RAD51B: variants seen among roughly 807,000 people sequenced by gnomAD.
RAD51B encodes the protein RAD51 paralog B, also known as DNA repair protein RAD51 homolog 2.
RAD51B carries 38 observed loss-of-function variants against 42.2 expected under a neutral mutation model. The observed-to-expected ratio is 0.90, with a 90% CI of 0.70 to 1.18. The LOEUF (loss-of-function observed/expected upper bound fraction) is 1.18. Ranked by LOEUF, RAD51B falls within the 50% of genes most tolerant of loss-of-function variation. RAD51B has a pLI of 0.00. For synonymous variants in RAD51B, 154 were observed against 145.2 expected (o/e 1.06, Z -0.43); for missense variants, 373 against 400.7 (o/e 0.93, Z 0.59).
intron 7 of RAD51B, among the ~76,000 whole-genome samples, chr14:68,093,220 G>A (rs61987533): frequency 4.8e-4 from 73 of 152,176 alleles, no homozygotes; most frequent in African/African-American, 1.7e-3. Flanking sequence ...CTCATAAAAT[G>A]AGTTAGGGAG....
chr14:68,588,839 A>G (rs1057134585), intron 10 of RAD51B, among the ~76,000 whole-genome samples: 1 of 152,204 alleles, frequency 6.6e-6, no homozygotes, highest in African/African-American at 2.4e-5. Flanking sequence ...TTCCCAAGCT[A>G]ATGTAATGGA....
chr14:68,259,357 G>C (rs960500868), intron 7 of RAD51B, among the ~76,000 whole-genome samples: 2 of 151,662 alleles, frequency 1.3e-5, no homozygotes, highest in Non-Finnish European at 2.9e-5. Flanking sequence ...TGCTAAATGA[G>C]GAGTTAATGG....
At chr14:68,551,318 A>G (rs752193896) in intron 10 of RAD51B, among the ~76,000 whole-genome samples, 3 of 152,174 alleles carry the variant, frequency 2.0e-5, no homozygotes, top group Non-Finnish European at 2.9e-5. Context: ...ACCTGGCTCC[A>G]GGGCCCCTTC....
chr14:68,291,227 T>G (rs573004222), intron 7 of RAD51B, among the ~76,000 whole-genome samples: 35 of 152,310 alleles, frequency 2.3e-4, no homozygotes, highest in Middle Eastern at 6.8e-3. Flanking sequence ...AGATGGAATT[T>G]CGCTCTTGTT....
At chr14:67,901,578 C>T (rs867818020) in intron 7 of RAD51B, among the ~76,000 whole-genome samples, 4 of 152,160 alleles carry the variant, frequency 2.6e-5, no homozygotes, top group Non-Finnish European at 5.9e-5. Flanking sequence ...GGGAATCACA[C>T]TCTGAAGATT....
intron 7 of RAD51B, among the ~76,000 whole-genome samples, chr14:68,028,147 G>C (rs1176443175): frequency 6.6e-6 from 1 of 152,204 alleles, no homozygotes; most frequent in Non-Finnish European, 1.5e-5. Flanking sequence ...TGGCACTTAA[G>C]AGTAATGATC....
chr14:68,412,334 T>A (rs2084442995), intron 9 of RAD51B, among the ~76,000 whole-genome samples: 1 of 152,224 alleles, frequency 6.6e-6, no homozygotes, highest in Non-Finnish European at 1.5e-5. Context: ...TTATTTTGAT[T>A]TTTTGGATAG....
intron 5 of RAD51B, among the ~76,000 whole-genome samples, chr14:67,885,016 A>G (rs907198600): frequency 6.6e-6 from 1 of 152,314 alleles, no homozygotes; most frequent in Admixed American, 6.5e-5. Flanking sequence ...AAAATATAGG[A>G]TGCTTTTTGA....
intron 7 of RAD51B, among the ~76,000 whole-genome samples, chr14:68,081,534 A>T (rs1480091089): frequency 2.0e-5 from 3 of 152,258 alleles, no homozygotes; most frequent in Non-Finnish European, 4.4e-5. Flanking sequence ...TTCTGTGTTT[A>T]TATGTACTTC....
rs572803909 is a variant in RAD51B, at chr14:67,994,245, A to G, written c.756+107041A>G. Reference sequence around the variant, plus strand: ...CTGTTTTTTTCAAGAAAAAAAAGCCATTTTTTTCTCTTAGATAAATATTTT... The same window carrying G: ...CTGTTTTTTTCAAGAAAAAAAAGCCGTTTTTTTCTCTTAGATAAATATTTT... On this transcript the variant is annotated intron_variant, in intron 7 of 10. Transcript: ENST00000471583. Among the ~76,000 whole-genome samples the G allele has an allele frequency of 9.0e-4, 137 of 151,674 alleles. 1 individual carries two copies. Among genetic ancestry groups the G allele is most frequent in the African/African-American group, 3.3e-3 (135 of 41,342 alleles).
intron 4 of RAD51B, among the ~76,000 whole-genome samples, chr14:67,852,606 G>A (rs1443965758): frequency 2.0e-5 from 3 of 152,184 alleles, no homozygotes; most frequent in Non-Finnish European, 2.9e-5. Flanking sequence ...AGCCTTGGAA[G>A]TTACATACCA....
At chr14:68,234,370 C>G (rs1016454017) in intron 7 of RAD51B, among the ~76,000 whole-genome samples, 10 of 152,260 alleles carry the variant, frequency 6.6e-5, no homozygotes, top group African/African-American at 1.9e-4. Flanking sequence ...AGAAAGAAAG[C>G]TGAGAAGTAT....
At chr14:68,268,477 C>T (rs546188756) in intron 7 of RAD51B, among the ~76,000 whole-genome samples, 1 of 152,204 alleles carries the variant, frequency 6.6e-6, no homozygotes, top group South Asian at 2.1e-4. Context: ...TTGTGGATGA[C>T]CTTTGTCTTA....
intron 7 of RAD51B, among the ~76,000 whole-genome samples, chr14:68,207,638 G>C (rs904282983): frequency 1.3e-5 from 2 of 152,122 alleles, no homozygotes; most frequent in Non-Finnish European, 2.9e-5. Context: ...GATAAATTAA[G>C]AATAGCCTGG....
chr14:67,826,686 CTT>C (rs34773405), intron 3 of RAD51B, among the ~76,000 whole-genome samples: 23 of 142,346 alleles, frequency 1.6e-4, no homozygotes, highest in Admixed American at 1.4e-4. Flanking sequence ...TATTTTCTTT[CTT>C]TTTTTTTTTT....
At chr14:68,168,211 A>G (rs1167619040) in intron 7 of RAD51B, among the ~76,000 whole-genome samples, 1 of 152,148 alleles carries the variant, frequency 6.6e-6, no homozygotes, top group Non-Finnish European at 1.5e-5. Flanking sequence ...TATGAAATTT[A>G]ATAGAAATGG....
chr14:68,087,053 G>A (rs1413215749), intron 7 of RAD51B, among the ~76,000 whole-genome samples: 1 of 151,718 alleles, frequency 6.6e-6, no homozygotes, highest in Non-Finnish European at 1.5e-5. Flanking sequence ...GAGAACCACT[G>A]GAACCCAGGT....
At chr14:67,963,230 T>G (rs1018171715) in intron 7 of RAD51B, among the ~76,000 whole-genome samples, 5 of 152,104 alleles carry the variant, frequency 3.3e-5, no homozygotes, top group African/African-American at 1.2e-4. Context: ...GTGTATAGAA[T>G]TGATATTTTT....
At chr14:68,026,698 G>C (rs1242335717) in intron 7 of RAD51B, among the ~76,000 whole-genome samples, 2 of 151,796 alleles carry the variant, frequency 1.3e-5, no homozygotes, top group Non-Finnish European at 2.9e-5. Flanking sequence ...TTGCATGCTA[G>C]ATCTTTCTTT....
Sources: allele counts gnomAD v4.1 joint callset (sites outside exome capture counted in the v4.1 genomes callset), GRCh38; gene constraint gnomAD v4.1.1; transcripts MANE v1.5; gene names NCBI Gene and HGNC (gene_info 2026-07-23, HGNC 2026-07-21).